KCNIP1: variants seen among roughly 807,000 people sequenced by gnomAD.
The protein encoded by KCNIP1 is potassium voltage-gated channel interacting protein 1.
A neutral mutation model predicts 33.0 loss-of-function variants in KCNIP1; 18 were observed. The observed-to-expected ratio is 0.55, with a 90% confidence interval of 0.38 to 0.81. The LOEUF is 0.81. Ranked by LOEUF, KCNIP1 falls within the 30% of genes least tolerant of loss-of-function variation. The pLI is 0.00. For synonymous variants in KCNIP1, 93 were observed against 98.3 expected (o/e 0.95, Z 0.32); for missense variants, 238 against 271.6 (o/e 0.88, Z 0.87).
chr5:170,519,642 CA>C (rs1316240927), intron 1 of KCNIP1, among the ~76,000 whole-genome samples: 1 of 152,064 alleles, frequency 6.6e-6, no homozygotes, highest in Non-Finnish European at 1.5e-5. Flanking sequence ...ATGGAAAGAC[CA>C]AAGTGGTTTT....
At chr5:170,698,771 T>C (rs978608146) in intron 1 of KCNIP1, among the ~76,000 whole-genome samples, 10 of 152,118 alleles carry the variant, frequency 6.6e-5, no homozygotes, top group African/African-American at 2.4e-4. Flanking sequence ...TTAATCTTTA[T>C]TGAGTATATA....
At chr5:170,726,755 A>AAAAAAAAAAAAAAAAAAAC (rs1764021037) in intron 5 of KCNIP1, among the ~76,000 whole-genome samples, 1 of 150,470 alleles carries the variant, frequency 6.6e-6, no homozygotes, top group Admixed American at 6.6e-5. Flanking sequence ...CAAAAAAAAA[A>AAAAAAAAAAAAAAAAAAAC]AAAAAAAAAG....
intron 1 of KCNIP1, among the ~76,000 whole-genome samples, chr5:170,579,668 G>A (rs948531961): frequency 2.6e-5 from 4 of 152,170 alleles, no homozygotes; most frequent in African/African-American, 7.2e-5. Flanking sequence ...TAGATTCTCT[G>A]GCATTGCAAG....
chr5:170,568,648 T>TAAAAAAAAAAAAAAAAAAAAAAA (rs33992187), intron 1 of KCNIP1, among the ~76,000 whole-genome samples: 5 of 43,730 alleles, frequency 1.1e-4, no homozygotes, highest in Non-Finnish European at 1.4e-4. Flanking sequence ...CCGTTTCTAC[T>TAAAAAAAAAAAAAAAAAAAAAAA]AAAAAAAAAA....
At chr5:170,438,981 CT>C (rs1349287742) in intron 1 of KCNIP1, among the ~76,000 whole-genome samples, 1 of 152,156 alleles carries the variant, frequency 6.6e-6, no homozygotes, top group Non-Finnish European at 1.5e-5. Flanking sequence ...CTTCCCCTGG[CT>C]TCTGTGTGTT....
chr5:170,361,367 G>A (rs6895628), intron 1 of KCNIP1, among the ~76,000 whole-genome samples: 2 of 152,026 alleles, frequency 1.3e-5, no homozygotes, highest in African/African-American at 4.8e-5. Flanking sequence ...CACTGACCAC[G>A]CTCTCTGTCA....
chr5:170,532,451 A>T (rs961804115), intron 1 of KCNIP1, among the ~76,000 whole-genome samples: 2 of 152,154 alleles, frequency 1.3e-5, no homozygotes, highest in African/African-American at 4.8e-5. Context: ...TCACAGGCCC[A>T]TGCTGACTCC....
At chr5:170,456,185 C>A (rs1756369025) in intron 1 of KCNIP1, among the ~76,000 whole-genome samples, 2 of 152,132 alleles carry the variant, frequency 1.3e-5, no homozygotes. Context: ...TGGAAGCCAT[C>A]ATTCTCAGCA....
chr5:170,403,941 C>T (rs1309290190), intron 1 of KCNIP1, among the ~76,000 whole-genome samples: 1 of 152,182 alleles, frequency 6.6e-6, no homozygotes, highest in Admixed American at 6.5e-5. Context: ...TAGTAGAAAA[C>T]AGCTCCTAAG....
At chr5:170,615,763 A>G (rs1376241147) in intron 1 of KCNIP1, among the ~76,000 whole-genome samples, 2 of 152,202 alleles carry the variant, frequency 1.3e-5, no homozygotes, top group Non-Finnish European at 2.9e-5. Flanking sequence ...CAGTTTCTTT[A>G]TGTGTCAAAT....
At position 170,637,876 on chromosome 5, in the gene KCNIP1, G is replaced by A. The variant is rs532561347; in HGVS notation, c.62-80882G>A. ...CTGCTTCTTCTCCACCCTTAGAATG[G>A]TGCTGGGCCCAGAAGAGGCATGCAG... On this transcript the variant is annotated intron_variant, in intron 1 of 7. Coordinates refer to ENST00000328939, the MANE Select transcript of KCNIP1 (RefSeq NM_014592.4). Among the ~76,000 whole-genome samples the A allele has an allele frequency of 1.3e-4, 20 of 152,202 alleles. No individual in the cohort carries two copies. The East Asian group carries it at 3.9e-3, about 29-fold the overall frequency.
At chr5:170,560,891 C>T (rs1276565778) in intron 1 of KCNIP1, among the ~76,000 whole-genome samples, 4 of 152,132 alleles carry the variant, frequency 2.6e-5, no homozygotes, top group East Asian at 3.9e-4. Context: ...CTCTCCCACT[C>T]CTTCCTCCCC....
At chr5:170,471,623 C>T (rs1756730366) in intron 1 of KCNIP1, among the ~76,000 whole-genome samples, 2 of 152,136 alleles carry the variant, frequency 1.3e-5, no homozygotes, top group Non-Finnish European at 2.9e-5. Flanking sequence ...GCCCTGAGTG[C>T]CCTCAGCAGT....
intron 1 of KCNIP1, chr5:170,378,898 G>T (rs1167024310): frequency 6.2e-7 from 1 of 1,614,132 alleles, no homozygotes; most frequent in Non-Finnish European, 8.5e-7. Context: ...TGCTGCTCTT[G>T]GAATTTGGCT....
intron 1 of KCNIP1, among the ~76,000 whole-genome samples, chr5:170,666,162 T>C (rs989825001): frequency 1.3e-5 from 2 of 152,220 alleles, no homozygotes; most frequent in African/African-American, 4.8e-5. Flanking sequence ...AAGAGATTTG[T>C]TTATATTAAT....
At chr5:170,600,086 C>T (rs992331329) in intron 1 of KCNIP1, among the ~76,000 whole-genome samples, 3 of 152,080 alleles carry the variant, frequency 2.0e-5, no homozygotes, top group Non-Finnish European at 4.4e-5. Context: ...TCAGGGTCAC[C>T]CCTTCAGATG....
rs1581133529 is a variant in KCNIP1 at position 170,383,879 on chromosome 5, C to T, written c.88+29915C>T. The T allele has an allele frequency of 1.9e-6, 3 of 1,610,098 alleles. No individual in the cohort carries two copies. The African/African-American group carries it at 4.0e-5, about 22-fold the overall frequency. On this transcript the variant is annotated intron_variant, in intron 1 of 7. Transcript: ENST00000377360. ...AGGAGACCACACACATGCACACATA[C>T]ACATCTCAGAACTGGGTGACACACA... is the stretch of plus-strand genomic sequence containing the variant.
At chr5:170,478,384 C>G (rs376030980) in intron 1 of KCNIP1, among the ~76,000 whole-genome samples, 1 of 152,222 alleles carries the variant, frequency 6.6e-6, no homozygotes, top group Non-Finnish European at 1.5e-5. Flanking sequence ...GACTATGCAA[C>G]GCTCATGGCT....
chr5:170,410,125 G>A (rs536897507), intron 1 of KCNIP1, among the ~76,000 whole-genome samples: 17 of 152,378 alleles, frequency 1.1e-4, no homozygotes, highest in East Asian at 3.9e-4. Context: ...CAGCCATCCC[G>A]TCTCATCAGC....
Sources: gnomAD v4.1 joint callset for allele counts (sites outside exome capture counted in the v4.1 genomes callset) on GRCh38, gnomAD v4.1.1 for gene constraint, MANE v1.5 for transcripts, NCBI Gene and HGNC (gene_info 2026-07-23, HGNC 2026-07-21) for gene names.